Variants in ZNF385D observed in about 807,000 individuals in gnomAD.
ZNF385D encodes the protein zinc finger protein 385D.
In ZNF385D, 15 loss-of-function variants were observed where a neutral mutation model predicts 35.8. That is an observed-to-expected ratio of 0.42 (90% CI 0.28 to 0.64). The LOEUF is 0.64. ZNF385D is among the 30% of genes least tolerant of loss of function. ZNF385D has a pLI of 0.23. For missense variants in ZNF385D, 474 were observed against 494.6 expected (o/e 0.96, Z 0.39); for synonymous variants, 212 against 186.8 (o/e 1.13, Z -1.10).
intron 1 of ZNF385D, among the ~76,000 whole-genome samples, chr3:21,711,288 G>A (rs569736529): frequency 1.3e-5 from 2 of 151,832 alleles, no homozygotes; most frequent in South Asian, 2.1e-4. Context: ...TGATCCACCC[G>A]CCTCGGCCTC....
Position 21,514,828 on chromosome 3 carries a change from A to G in ZNF385D, c.277-3805T>C, listed in dbSNP as rs145810598. Among the ~76,000 whole-genome samples the G allele has an allele frequency of 2.5e-3, 381 of 152,154 alleles. 3 individuals carry two copies. Among genetic ancestry groups the G allele is most frequent in the African/African-American group, 8.8e-3 (365 of 41,516 alleles). On this transcript the variant is annotated intron_variant, in intron 3 of 7. Transcript: ENST00000281523. ...AAACTCCGCTAAATTTAATTTGTCT[A>G]TAGTTTTTCTTTTAACACTTTAAAT... is the stretch of plus-strand genomic sequence containing the variant.
intron 2 of ZNF385D, among the ~76,000 whole-genome samples, chr3:22,264,367 A>C (rs1022677139): frequency 1.3e-5 from 2 of 152,022 alleles, no homozygotes; most frequent in African/African-American, 4.8e-5. Flanking sequence ...AATCCCACTG[A>C]AAGTGGTGAA....
chr3:22,361,683 A>G (rs567371724), intron 2 of ZNF385D, among the ~76,000 whole-genome samples: 2 of 152,140 alleles, frequency 1.3e-5, no homozygotes, highest in East Asian at 3.9e-4. Context: ...ATTTCTCTGT[A>G]TATGTGGAAA....
At chr3:21,716,046 G>A (rs1242538004) in intron 1 of ZNF385D, among the ~76,000 whole-genome samples, 1 of 152,002 alleles carries the variant, frequency 6.6e-6, no homozygotes, top group Non-Finnish European at 1.5e-5. Flanking sequence ...GAATAACCCT[G>A]AAACTTTGAA....
At chr3:22,044,249 T>C (rs1698849930) in intron 3 of ZNF385D, among the ~76,000 whole-genome samples, 1 of 152,032 alleles carries the variant, frequency 6.6e-6, no homozygotes, top group African/African-American at 2.4e-5. Flanking sequence ...TACTCAAAGG[T>C]GATAACTTTG....
intron 3 of ZNF385D, among the ~76,000 whole-genome samples, chr3:21,785,481 A>C (rs964545340): frequency 6.6e-6 from 1 of 152,158 alleles, no homozygotes; most frequent in African/African-American, 2.4e-5. Context: ...TAATAACTAC[A>C]GGTACAGTGT....
chr3:21,662,436 G>A lies in ZNF385D; in HGVS notation c.165+2450C>T, dbSNP rs561332917. Among the ~76,000 whole-genome samples, 10 of 152,244 alleles carry A rather than the reference G, an allele frequency of 6.6e-5. No individual in the cohort carries two copies. In the South Asian group the frequency reaches 8.3e-4, roughly 13 times the overall value. ...GATTTCCCTCCAGCCTGATGAAATG[G>A]GCTCTCTTGAATGAGAAATAAAGTC... On this transcript the variant is annotated intron_variant, in intron 2 of 7. Coordinates refer to ENST00000281523, the MANE Select transcript of ZNF385D (RefSeq NM_024697.3).
intron 2 of ZNF385D, among the ~76,000 whole-genome samples, chr3:22,170,462 A>T (rs1011412643): frequency 6.6e-6 from 1 of 152,248 alleles, no homozygotes. Flanking sequence ...TGGGTATTGA[A>T]GTCACTATCC....
chr3:21,512,502 C>T (rs182325808), intron 3 of ZNF385D, among the ~76,000 whole-genome samples: 3 of 152,298 alleles, frequency 2.0e-5, no homozygotes, highest in African/African-American at 7.2e-5. Flanking sequence ...ATTAAATAGT[C>T]CACATCTTCA....
intron 3 of ZNF385D, among the ~76,000 whole-genome samples, chr3:21,956,341 A>C (rs566972387): frequency 2.6e-5 from 4 of 152,028 alleles, no homozygotes; most frequent in Admixed American, 6.6e-5. Flanking sequence ...TACAAATGTG[A>C]TATTCCTCCT....
intron 3 of ZNF385D, among the ~76,000 whole-genome samples, chr3:22,158,241 T>A (rs1705718118): frequency 6.6e-6 from 1 of 152,102 alleles, no homozygotes; most frequent in South Asian, 2.1e-4. Flanking sequence ...CACACTAGCA[T>A]AAGTAAATTC....
chr3:21,838,094 A>T (rs1695439852), intron 3 of ZNF385D, among the ~76,000 whole-genome samples: 1 of 152,064 alleles, frequency 6.6e-6, no homozygotes, highest in South Asian at 2.1e-4. Context: ...TCTTAATGGC[A>T]TGATTATAAA....
rs933557622 is a variant in ZNF385D, at chr3:21,664,429, T to C, written c.165+457A>G. ...TTAATGGTGGGAAGAAAGTGCTGTA[T>C]ACTTAAAACATAATCACTGCTGCCA... On this transcript the variant is annotated intron_variant, in intron 2 of 7. Transcript: ENST00000281523. 4.6e-5 allele frequency among the ~76,000 whole-genome samples: 7 copies of C among 152,226 alleles called. No individual in the cohort carries two copies. In the South Asian group the frequency reaches 6.2e-4, roughly 13 times the overall value.
rs535614158 is a variant in ZNF385D at position 22,218,806 on chromosome 3, G to GTA, written c.107-49773_107-49772dup. On this transcript the variant is annotated intron_variant, in intron 2 of 5. Transcript: ENST00000494108. ...ATTGCCTTCAAGAAGATTTTTTAAT[G>GTA]TATATATTTTGTCCAGTTTTTCTAT... Among the ~76,000 whole-genome samples, 47 of 152,056 alleles carry GTA rather than the reference G, an allele frequency of 3.1e-4. No homozygotes were observed. In the South Asian group the frequency reaches 4.6e-3, roughly 15 times the overall value.
At chr3:21,452,453 G>A (rs918124302) in intron 4 of ZNF385D, among the ~76,000 whole-genome samples, 24 of 151,916 alleles carry the variant, frequency 1.6e-4, no homozygotes, top group African/African-American at 5.6e-4. Context: ...AACATAAAAG[G>A]TATCCAGATT....
intron 2 of ZNF385D, among the ~76,000 whole-genome samples, chr3:22,242,308 T>C (rs796492220): frequency 1.3e-5 from 2 of 151,210 alleles, no homozygotes; most frequent in Admixed American, 6.6e-5. Context: ...AAATTTAAGA[T>C]GGAAACCATA....
At chr3:21,989,521 T>A (rs1559825364) in intron 3 of ZNF385D, among the ~76,000 whole-genome samples, 1 of 152,154 alleles carries the variant, frequency 6.6e-6, no homozygotes, top group Non-Finnish European at 1.5e-5. Context: ...TCTCAAAAGG[T>A]ATGTCAGTTT....
At chr3:21,662,689 A>T (rs998723880) in intron 2 of ZNF385D, among the ~76,000 whole-genome samples, 5 of 152,198 alleles carry the variant, frequency 3.3e-5, no homozygotes, top group Non-Finnish European at 5.9e-5. Context: ...GGAAGGGAAT[A>T]ACCAAGGAAA....
At chr3:22,322,786 G>C (rs541962444) in intron 2 of ZNF385D, among the ~76,000 whole-genome samples, 2 of 152,054 alleles carry the variant, frequency 1.3e-5, no homozygotes, top group East Asian at 1.9e-4. Context: ...TAATGTTTTT[G>C]TTTTAAACTC....
Sources: allele counts gnomAD v4.1 joint callset (sites outside exome capture counted in the v4.1 genomes callset), GRCh38; gene constraint gnomAD v4.1.1; transcripts MANE v1.5; gene names NCBI Gene and HGNC (gene_info 2026-07-23, HGNC 2026-07-21).